Variants in SPAG16 observed in about 807,000 individuals in gnomAD.
The protein encoded by SPAG16 is sperm-associated antigen 16 protein.
SPAG16 carries 86 observed loss-of-function variants against 80.4 expected under a neutral mutation model. The ratio of observed to expected loss-of-function variants is 1.07; its 90% CI spans 0.90 to 1.28. SPAG16 has a LOEUF of 1.28. Among genes scored for constraint, SPAG16 ranks in the 50% most tolerant of loss-of-function variants. The probability of loss-of-function intolerance (pLI) is 0.00; values close to 1 mark genes in which losing one functional copy is unlikely to be tolerated. For missense variants in SPAG16, 870 were observed against 765.3 expected (o/e 1.14, Z -1.61); for synonymous variants, 294 against 265.9 (o/e 1.11, Z -1.03).
At chr2:214,057,591 G>C (rs2050012702) in intron 13 of SPAG16, among the ~76,000 whole-genome samples, 2 of 152,034 alleles carry the variant, frequency 1.3e-5, no homozygotes, top group South Asian at 4.1e-4. Context: ...ATGAGCATTG[G>C]CTTCAACTTA....
chr2:213,968,084 C>T (rs1004597342), intron 12 of SPAG16, among the ~76,000 whole-genome samples: 21 of 142,914 alleles, frequency 1.5e-4, no homozygotes, highest in African/African-American at 5.4e-4. Flanking sequence ...CCTTTCCTTT[C>T]TTCTTTCCTT....
At chr2:214,078,694 T>A (rs1007085128) in intron 13 of SPAG16, among the ~76,000 whole-genome samples, 5 of 152,172 alleles carry the variant, frequency 3.3e-5, no homozygotes, top group African/African-American at 7.2e-5. Context: ...TGTGAAAAAA[T>A]AACCCTTTGA....
At chr2:213,558,945 A>G (rs2059516805) in intron 10 of SPAG16, among the ~76,000 whole-genome samples, 1 of 152,090 alleles carries the variant, frequency 6.6e-6, no homozygotes, top group Non-Finnish European at 1.5e-5. Context: ...TTCAATATGT[A>G]TCTTTAATAG....
intron 15 of SPAG16, among the ~76,000 whole-genome samples, chr2:214,403,372 A>C (rs1701822387): frequency 6.7e-6 from 1 of 148,756 alleles, no homozygotes; most frequent in Non-Finnish European, 1.5e-5. Context: ...ATTTATACTT[A>C]TTAATTATAT....
At chr2:213,827,352 G>T (rs2073367106) in intron 10 of SPAG16, among the ~76,000 whole-genome samples, 1 of 151,692 alleles carries the variant, frequency 6.6e-6, no homozygotes, top group Non-Finnish European at 1.5e-5. Flanking sequence ...TATGTTTTTA[G>T]ATTTGAGGTT....
intron 10 of SPAG16, among the ~76,000 whole-genome samples, chr2:213,847,466 A>G (rs909499355): frequency 1.6e-4 from 24 of 152,118 alleles, no homozygotes; most frequent in African/African-American, 5.6e-4. Context: ...CAAGAGAGAA[A>G]GACTGAAGGA....
At chr2:213,829,462 A>T (rs1213929071) in intron 10 of SPAG16, among the ~76,000 whole-genome samples, 5 of 151,972 alleles carry the variant, frequency 3.3e-5, no homozygotes, top group African/African-American at 9.7e-5. Context: ...GAAATTAAGG[A>T]CCCTCAGAGC....
At position 213,371,422 on chromosome 2, in the gene SPAG16, AAG is replaced by A. The variant is rs1175218818; in HGVS notation, c.833-3586_833-3585del. Among the ~76,000 whole-genome samples, 1,198 of 146,542 alleles carry A rather than the reference AAG, an allele frequency of 8.2e-3. 18 individuals carry two copies. Among genetic ancestry groups the A allele is most frequent in the South Asian group, 0.019 (87 of 4,554 alleles). On this transcript the variant is annotated intron_variant, in intron 8 of 15. Transcript: ENST00000331683. Reference sequence around the variant, plus strand: ...AAAAAAAAAAAAAAAAAAAAAAGAAAAGAAAAGACGATTTATTGGTTAAGTGG... The same window carrying A: ...AAAAAAAAAAAAAAAAAAAAAAGAAAAAAAGACGATTTATTGGTTAAGTGG...
At chr2:214,100,149 G>T (rs2052905783) in intron 13 of SPAG16, among the ~76,000 whole-genome samples, 1 of 151,868 alleles carries the variant, frequency 6.6e-6, no homozygotes, top group Non-Finnish European at 1.5e-5. Flanking sequence ...TTCCCTGCTT[G>T]CACTTCTCTC....
intron 10 of SPAG16, among the ~76,000 whole-genome samples, chr2:213,838,477 C>T (rs1336219419): frequency 1.6e-4 from 25 of 152,110 alleles, no homozygotes; most frequent in Non-Finnish European, 2.9e-5. Flanking sequence ...TGGGCCATCT[C>T]TGACTTTATA....
chr2:214,206,184 AT>A lies in SPAG16; in HGVS notation c.1720+56919del, dbSNP rs2058140376. Among the ~76,000 whole-genome samples the A allele has an allele frequency of 1.1e-4, 14 of 131,932 alleles. No individual in the cohort carries two copies. In the South Asian group the frequency reaches 3.1e-3, roughly 30 times the overall value. The allele number at this position is 131,932 out of a possible 152,430, so 86.6% of individuals were successfully genotyped here. ...ACAGAGTGACACTCTGTCTCAAAAAATATATATATATTGATATCTATTGAAC... is the reference window on the plus strand; with the variant it reads ...ACAGAGTGACACTCTGTCTCAAAAAAATATATATATTGATATCTATTGAAC... On this transcript the variant is annotated intron_variant, in intron 15 of 15. Coordinates refer to ENST00000331683, the MANE Select transcript of SPAG16 (RefSeq NM_024532.5).
chr2:213,938,028 C>T (rs1474896670), intron 12 of SPAG16, among the ~76,000 whole-genome samples: 2 of 151,744 alleles, frequency 1.3e-5, no homozygotes, highest in Non-Finnish European at 2.9e-5. Context: ...TTTGTTATCT[C>T]ATACACCAAA....
intron 10 of SPAG16, among the ~76,000 whole-genome samples, chr2:213,798,550 C>T (rs189092959): frequency 6.3e-4 from 96 of 152,260 alleles, no homozygotes; most frequent in Middle Eastern, 3.4e-3. Context: ...GCCACTGCAC[C>T]CGGCCTCTGT....
At chr2:213,423,337 T>C (rs2069711339) in intron 9 of SPAG16, among the ~76,000 whole-genome samples, 1 of 152,216 alleles carries the variant, frequency 6.6e-6, no homozygotes, top group Admixed American at 6.5e-5. Context: ...TAACATTAGA[T>C]ATAAACAAAT....
intron 11 of SPAG16, among the ~76,000 whole-genome samples, chr2:213,863,942 C>T (rs1429454505): frequency 1.3e-5 from 2 of 151,918 alleles, no homozygotes; most frequent in African/African-American, 4.8e-5. Flanking sequence ...TAAAATACTG[C>T]TATACTGTTT....
chr2:213,806,595 CTTAA>C (rs953087670), intron 10 of SPAG16, among the ~76,000 whole-genome samples: 15 of 152,130 alleles, frequency 9.9e-5, no homozygotes, highest in African/African-American at 1.7e-4. Context: ...CAGTAAATAT[CTTAA>C]TTAATTATTT....
intron 15 of SPAG16, among the ~76,000 whole-genome samples, chr2:214,393,176 T>C (rs1283136346): frequency 6.6e-6 from 1 of 152,222 alleles, no homozygotes; most frequent in Admixed American, 6.5e-5. Flanking sequence ...TCATCTAATC[T>C]CTTTTCTTGA....
At chr2:213,853,135 G>C (rs1034290243) in intron 10 of SPAG16, among the ~76,000 whole-genome samples, 1 of 152,184 alleles carries the variant, frequency 6.6e-6, no homozygotes, top group Non-Finnish European at 1.5e-5. Context: ...GCAATAATTA[G>C]AGCCTGTGAA....
intron 15 of SPAG16, among the ~76,000 whole-genome samples, chr2:214,363,582 A>G (rs1018992175): frequency 6.6e-6 from 1 of 152,044 alleles, no homozygotes; most frequent in African/African-American, 2.4e-5. Flanking sequence ...TCACTCAGAG[A>G]GACAAGCTCT....
Sources: allele counts gnomAD v4.1 joint callset (sites outside exome capture counted in the v4.1 genomes callset), GRCh38; gene constraint gnomAD v4.1.1; transcripts MANE v1.5; gene names NCBI Gene and HGNC (gene_info 2026-07-23, HGNC 2026-07-21).